PTPRT: variants seen among roughly 807,000 people sequenced by gnomAD.
PTPRT encodes receptor-type tyrosine-protein phosphatase T.
In PTPRT, 56 loss-of-function variants were observed where a neutral mutation model predicts 176.8. That is an observed-to-expected ratio of 0.32 (90% CI 0.26 to 0.40). The LOEUF is 0.40. Among genes scored for constraint, PTPRT ranks in the 10% least tolerant of loss-of-function variants. The pLI is 1.00. For synonymous variants in PTPRT, 783 were observed against 739.0 expected, an observed-to-expected ratio of 1.06 and a Z score of -0.96; for missense variants, 1,540 against 1,908.2, an observed-to-expected ratio of 0.81 and a Z score of 3.60.
At chr20:42,107,473 A>G (rs951890600) in intron 23 of PTPRT, among the ~76,000 whole-genome samples, 3 of 152,220 alleles carry the variant, frequency 2.0e-5, no homozygotes, top group Admixed American at 6.5e-5. Context: ...CTTGTCAGGG[A>G]TCAAGTTTCT....
At position 42,788,960 on chromosome 20, in the gene PTPRT, C is replaced by T. The variant is rs115959430; in HGVS notation, c.486+2235G>A. Among the ~76,000 whole-genome samples, 984 of 152,308 alleles carry T rather than the reference C, an allele frequency of 6.5e-3. 9 individuals are homozygous for T. Among genetic ancestry groups the T allele is most frequent in the African/African-American group, 0.022 (933 of 41,570 alleles). On this transcript the variant is annotated intron_variant, in intron 3 of 30. Coordinates refer to ENST00000373187, the MANE Select transcript of PTPRT (RefSeq NM_007050.6). The stretch of plus-strand genomic sequence containing the variant: ...AGCTACTGAAGCGTGGCTAATGAGA[C>T]TAGGAAACTGAACTTCTCATTTTAC...
chr20:43,094,113 G>C (rs1300301559), intron 1 of PTPRT, among the ~76,000 whole-genome samples: 1 of 141,388 alleles, frequency 7.1e-6, no homozygotes, highest in African/African-American at 2.7e-5. Context: ...TTTTTTGACG[G>C]AGTCTTGCCC....
the PTPRT span, among the ~76,000 whole-genome samples, chr20:42,044,396 G>T: frequency 6.6e-6 from 1 of 152,178 alleles, no homozygotes; most frequent in African/African-American, 2.4e-5. Context: ...GGCTCATTCT[G>T]GTTTTCCAAA....
At chr20:43,126,135 T>A (rs2013429351) in intron 1 of PTPRT, among the ~76,000 whole-genome samples, 1 of 152,126 alleles carries the variant, frequency 6.6e-6, no homozygotes, top group African/African-American at 2.4e-5. Flanking sequence ...GCAGATCACC[T>A]GAAGTCAGGA....
chr20:43,145,443 C>T (rs1334371693), intron 1 of PTPRT, among the ~76,000 whole-genome samples: 5 of 152,194 alleles, frequency 3.3e-5, no homozygotes, highest in Admixed American at 3.3e-4. Flanking sequence ...TAAGTTGCCA[C>T]AATTCACTTC....
At chr20:42,399,200 A>G (rs922461183) in intron 9 of PTPRT, among the ~76,000 whole-genome samples, 15 of 152,256 alleles carry the variant, frequency 9.9e-5, no homozygotes, top group African/African-American at 3.6e-4. Context: ...CCTCTTGCTG[A>G]GAAGAGTGGC....
intron 1 of PTPRT, among the ~76,000 whole-genome samples, chr20:42,956,940 C>A (rs564876645): frequency 6.6e-6 from 1 of 152,246 alleles, no homozygotes; most frequent in African/African-American, 2.4e-5. Flanking sequence ...AACTCACCAA[C>A]CACCCCAGCG....
chr20:42,992,289 C>T (rs1333162566), intron 1 of PTPRT, among the ~76,000 whole-genome samples: 1 of 152,170 alleles, frequency 6.6e-6, no homozygotes, highest in African/African-American at 2.4e-5. Flanking sequence ...ATTGAAAAAA[C>T]CCCTCTGCTG....
At chr20:43,121,142 A>T (rs899042569) in intron 1 of PTPRT, among the ~76,000 whole-genome samples, 4 of 151,652 alleles carry the variant, frequency 2.6e-5, no homozygotes, top group African/African-American at 7.3e-5. Context: ...GCACTTTTAT[A>T]CCCAAAGTTG....
rs76576853 is a variant in PTPRT at position 43,039,692 on chromosome 20, A to T, written c.88+149954T>A. 3.2e-3 allele frequency among the ~76,000 whole-genome samples: 483 copies of T among 152,258 alleles called. 2 individuals carry two copies. The highest frequency in any genetic ancestry group is 0.011 in the African/African-American group (448 of 41,564). On this transcript the variant is annotated intron_variant, in intron 1 of 30. Transcript: ENST00000373187. The stretch of plus-strand genomic sequence containing the variant: ...TGAGAAAAAAACTACTGCAACATAA[A>T]TGATAAAGAAAGAACTAATAGTTCT...
intron 13 of PTPRT, among the ~76,000 whole-genome samples, chr20:42,258,459 C>T (rs28533227): frequency 0.018 from 2,707 of 152,226 alleles, 84 homozygotes; most frequent in African/African-American, 0.061. Context: ...TTATTATAAT[C>T]GCTGGGCTTT....
intron 8 of PTPRT, among the ~76,000 whole-genome samples, chr20:42,464,572 G>C (rs556008022): frequency 4.6e-5 from 7 of 152,272 alleles, no homozygotes; most frequent in African/African-American, 1.2e-4. Flanking sequence ...ACAATGCCTA[G>C]TTCATAGTGT....
intron 21 of PTPRT, among the ~76,000 whole-genome samples, chr20:42,116,625 C>T (rs978583780): frequency 3.3e-5 from 5 of 152,150 alleles, no homozygotes; most frequent in Non-Finnish European, 7.3e-5. Flanking sequence ...ATTATCATCC[C>T]CATTTTGCAG....
intron 16 of PTPRT, among the ~76,000 whole-genome samples, chr20:42,182,202 G>T (rs1405309002): frequency 6.6e-6 from 1 of 152,166 alleles, no homozygotes; most frequent in Non-Finnish European, 1.5e-5. Context: ...AGGCCACGAG[G>T]TTAATTTTTA....
chr20:42,620,509 C>A (rs868366073), intron 7 of PTPRT, among the ~76,000 whole-genome samples: 8 of 149,082 alleles, frequency 5.4e-5, no homozygotes, highest in African/African-American at 2.0e-4. Flanking sequence ...CCTAAGCAAG[C>A]CTGGGCAATG....
At chr20:42,144,826 A>G (rs1988789517) in intron 17 of PTPRT, among the ~76,000 whole-genome samples, 1 of 152,162 alleles carries the variant, frequency 6.6e-6, no homozygotes, top group African/African-American at 2.4e-5. Flanking sequence ...TTAATACACC[A>G]GCCTTGCCTT....
At chr20:42,263,685 T>A (rs1208157853) in intron 13 of PTPRT, among the ~76,000 whole-genome samples, 1 of 151,428 alleles carries the variant, frequency 6.6e-6, no homozygotes, top group African/African-American at 2.4e-5. Context: ...GGCCTTTTTT[T>A]TTTTTTTTAA....
At chr20:42,887,727 T>G (rs1053999416) in intron 1 of PTPRT, among the ~76,000 whole-genome samples, 3 of 152,206 alleles carry the variant, frequency 2.0e-5, no homozygotes, top group Non-Finnish European at 4.4e-5. Context: ...ATAGAAAAGC[T>G]TTCTCCACTT....
chr20:43,020,551 G>A (rs572337676), intron 1 of PTPRT, among the ~76,000 whole-genome samples: 19 of 152,152 alleles, frequency 1.2e-4, no homozygotes, highest in African/African-American at 4.3e-4. Flanking sequence ...GTTGGCAGAC[G>A]TGATTTAAAA....
Sources: allele counts gnomAD v4.1 joint callset (sites outside exome capture counted in the v4.1 genomes callset), GRCh38; gene constraint gnomAD v4.1.1; transcripts MANE v1.5; gene names NCBI Gene and HGNC (gene_info 2026-07-23, HGNC 2026-07-21).